The following NRG3 variants were observed in gnomAD, a reference collection of about 807,000 sequenced individuals.
NRG3 encodes the protein pro-neuregulin-3, membrane-bound isoform.
NRG3 carries 31 observed loss-of-function variants against 66.9 expected under a neutral mutation model. The ratio of observed to expected loss-of-function variants is 0.46; its 90% CI spans 0.35 to 0.63. The LOEUF (loss-of-function observed/expected upper bound fraction) is 0.63, where lower values mean the gene tolerates loss of function less well. Ranked by LOEUF, NRG3 falls within the 20% of genes least tolerant of loss-of-function variation. The probability of loss-of-function intolerance (pLI) is 0.00; values close to 1 mark genes in which losing one functional copy is unlikely to be tolerated. For synonymous variants in NRG3, 393 were observed against 359.4 expected (o/e 1.09, Z -1.06); for missense variants, 910 against 878.9 (o/e 1.04, Z -0.45).
At chr10:82,263,631 C>G (rs2078149500) in intron 1 of NRG3, among the ~76,000 whole-genome samples, 1 of 152,116 alleles carries the variant, frequency 6.6e-6, no homozygotes. Flanking sequence ...CACACACACT[C>G]ATATACACAC....
intron 2 of NRG3, among the ~76,000 whole-genome samples, chr10:82,648,012 G>T (rs562119399): frequency 0.026 from 3,903 of 148,114 alleles, 80 homozygotes; most frequent in Non-Finnish European, 0.038. Flanking sequence ...AGTTTAATTA[G>T]ATCCCATTTG....
At chr10:82,208,200 CA>C (rs1410009777) in intron 1 of NRG3, among the ~76,000 whole-genome samples, 4 of 152,074 alleles carry the variant, frequency 2.6e-5, no homozygotes, top group Non-Finnish European at 4.4e-5. Flanking sequence ...AACTAATTAG[CA>C]TAACTAATAT....
intron 1 of NRG3, among the ~76,000 whole-genome samples, chr10:82,252,391 A>T (rs2077524263): frequency 6.6e-6 from 1 of 152,152 alleles, no homozygotes; most frequent in African/African-American, 2.4e-5. Context: ...TATGATATGG[A>T]TACTATTATT....
chr10:82,018,187 A>G (rs996270296), intron 1 of NRG3, among the ~76,000 whole-genome samples: 17 of 152,184 alleles, frequency 1.1e-4, no homozygotes, highest in Non-Finnish European at 1.9e-4. Context: ...TTTATTAAAT[A>G]GGGAATCCTT....
chr10:82,293,242 C>T (rs963080917), intron 1 of NRG3, among the ~76,000 whole-genome samples: 5 of 152,032 alleles, frequency 3.3e-5, no homozygotes, highest in Non-Finnish European at 4.4e-5. Context: ...TGTACTTAGA[C>T]GGCAGTATAA....
At chr10:82,838,409 C>T (rs2062884202) in intron 3 of NRG3, among the ~76,000 whole-genome samples, 1 of 152,070 alleles carries the variant, frequency 6.6e-6, no homozygotes, top group Non-Finnish European at 1.5e-5. Flanking sequence ...CATTTTTAAA[C>T]CTCTCATTTT....
intron 1 of NRG3, among the ~76,000 whole-genome samples, chr10:82,239,096 T>C (rs931208218): frequency 6.6e-6 from 1 of 151,582 alleles, no homozygotes; most frequent in Admixed American, 6.6e-5. Flanking sequence ...TATTTTGATA[T>C]ATAGTATGAG....
chr10:82,023,417 G>T (rs1470722869), intron 1 of NRG3, among the ~76,000 whole-genome samples: 1 of 151,982 alleles, frequency 6.6e-6, no homozygotes, highest in Non-Finnish European at 1.5e-5. Flanking sequence ...GTGATGGCAG[G>T]TATCCTTGTC....
intron 1 of NRG3, among the ~76,000 whole-genome samples, chr10:81,985,577 T>G (rs1424545600): frequency 6.6e-6 from 1 of 152,240 alleles, no homozygotes; most frequent in African/African-American, 2.4e-5. Flanking sequence ...TGATTATTAA[T>G]GCAGGGAGAG....
intron 1 of NRG3, among the ~76,000 whole-genome samples, chr10:82,235,832 T>C (rs745530130): frequency 1.1e-4 from 17 of 152,208 alleles, no homozygotes; most frequent in Non-Finnish European, 1.9e-4. Context: ...CGTGTGTCAC[T>C]TGGTAGACGT....
At chr10:82,806,930 A>AAC (rs1278967068) in intron 3 of NRG3, among the ~76,000 whole-genome samples, 17 of 152,154 alleles carry the variant, frequency 1.1e-4, no homozygotes, top group Non-Finnish European at 2.9e-5. Context: ...TTTGAAGCAC[A>AAC]TCTACTCATT....
intron 2 of NRG3, among the ~76,000 whole-genome samples, chr10:82,735,712 A>C (rs2058121670): frequency 2.0e-5 from 3 of 152,110 alleles, no homozygotes; most frequent in African/African-American, 4.8e-5. Context: ...CAATGAAAGC[A>C]CATGGACACA....
rs140767766 is a variant in NRG3 at position 82,974,082 on chromosome 10, G to A, written c.1412+167G>A. Reference sequence around the variant, plus strand: ...AACACCTCACATCAGGTAAAGCAAAGATACCAGTTTCCACAGCAGACAGCA... The same window carrying A: ...AACACCTCACATCAGGTAAAGCAAAAATACCAGTTTCCACAGCAGACAGCA... On this transcript the variant is annotated intron_variant, in intron 7 of 8. Coordinates refer to ENST00000372141, the MANE Select transcript of NRG3 (RefSeq NM_001010848.4). Among the ~76,000 whole-genome samples, 212 of 152,026 alleles carry A rather than the reference G, an allele frequency of 1.4e-3. 2 individuals are homozygous for A. Among genetic ancestry groups the A allele is most frequent in the Non-Finnish European group, 2.5e-3 (170 of 68,012 alleles).
intron 4 of NRG3, among the ~76,000 whole-genome samples, chr10:82,933,547 A>G (rs1592007803): frequency 6.6e-6 from 1 of 152,216 alleles, no homozygotes. Flanking sequence ...TTCGCCAGCT[A>G]GATTGCAGAA....
At chr10:82,898,098 C>T (rs1478859956) in intron 4 of NRG3, among the ~76,000 whole-genome samples, 1 of 152,088 alleles carries the variant, frequency 6.6e-6, no homozygotes, top group Non-Finnish European at 1.5e-5. Context: ...AGTCAGTGCC[C>T]CTAGAGCAAC....
chr10:82,028,163 T>G (rs2062402873), intron 1 of NRG3, among the ~76,000 whole-genome samples: 1 of 152,072 alleles, frequency 6.6e-6, no homozygotes, highest in African/African-American at 2.4e-5. Flanking sequence ...GCCTTAAACA[T>G]GGATGCAATG....
At chr10:81,979,131 G>A (rs2060236397) in intron 1 of NRG3, among the ~76,000 whole-genome samples, 1 of 148,574 alleles carries the variant, frequency 6.7e-6, no homozygotes, top group Admixed American at 6.8e-5. Context: ...AGAGGTTGCA[G>A]TGAGCCGGGA....
At chr10:82,340,434 A>G (rs1035735882) in intron 1 of NRG3, among the ~76,000 whole-genome samples, 3 of 152,194 alleles carry the variant, frequency 2.0e-5, no homozygotes, top group African/African-American at 4.8e-5. Context: ...GTGTTGCAAT[A>G]TCTATCCTTT....
intron 1 of NRG3, among the ~76,000 whole-genome samples, chr10:82,143,214 T>C (rs1427674908): frequency 1.3e-5 from 2 of 152,106 alleles, no homozygotes; most frequent in East Asian, 3.9e-4. Context: ...AAGGACAGTT[T>C]CTGGCATCAA....
Sources: gnomAD v4.1 joint callset for allele counts (sites outside exome capture counted in the v4.1 genomes callset) on GRCh38, gnomAD v4.1.1 for gene constraint, MANE v1.5 for transcripts, NCBI Gene and HGNC (gene_info 2026-07-23, HGNC 2026-07-21) for gene names.